The following IAPP variants were observed in gnomAD, a reference collection of about 807,000 sequenced individuals.
IAPP encodes the protein Islet amyloid polypeptide (diabetes-associated peptide; amylin).
IAPP carries 4 observed loss-of-function variants against 2.9 expected under a neutral mutation model. That is an observed-to-expected ratio of 1.39 (90% CI 0.69 to 3.19). IAPP has a LOEUF of 3.19. Among genes scored for constraint, IAPP ranks in the 30% most tolerant of loss-of-function variants. IAPP has a pLI of 0.01. For missense variants in IAPP, 114 were observed against 105.3 expected, an observed-to-expected ratio of 1.08 and a Z score of -0.36; for synonymous variants, 40 against 42.1, an observed-to-expected ratio of 0.95 and a Z score of 0.19.
chr12:21,362,370 T>G (rs371407071), intron 1 of IAPP, among the ~76,000 whole-genome samples: 9 of 152,104 alleles, frequency 5.9e-5, no homozygotes, highest in Non-Finnish European at 1.0e-4. Flanking sequence ...GTCACCACCA[T>G]GCCTGACTTA....
chr12:21,373,818 CT>C (rs1456486317), intron 2 of IAPP: 2 of 605,162 alleles, frequency 3.3e-6, no homozygotes, highest in East Asian at 2.8e-5. Flanking sequence ...CAAGTGGATT[CT>C]TTTTGTATAT....
intron 1 of IAPP, among the ~76,000 whole-genome samples, chr12:21,360,400 A>C (rs1938743927): frequency 6.6e-6 from 1 of 152,262 alleles, no homozygotes; most frequent in Non-Finnish European, 1.5e-5. Flanking sequence ...ATTTAAAGAA[A>C]GCTCCAATAA....
At chr12:21,357,893 T>C (rs766728098) in intron 1 of IAPP, among the ~76,000 whole-genome samples, 11 of 152,154 alleles carry the variant, frequency 7.2e-5, no homozygotes, top group Non-Finnish European at 1.3e-4. Context: ...TTTTAAAATA[T>C]AAACATGCAA....
intron 1 of IAPP, among the ~76,000 whole-genome samples, chr12:21,365,204 G>A (rs1408325139): frequency 6.6e-6 from 1 of 152,096 alleles, no homozygotes; most frequent in Non-Finnish European, 1.5e-5. Context: ...CAGAGATATA[G>A]ACCAATGGAA....
intron 1 of IAPP, among the ~76,000 whole-genome samples, chr12:21,366,035 C>T (rs1218939086): frequency 3.3e-5 from 5 of 152,168 alleles, no homozygotes; most frequent in African/African-American, 9.7e-5. Flanking sequence ...TTGACCCAGC[C>T]ATCCCATTAC....
chr12:21,360,772 C>T (rs1389056789), intron 1 of IAPP, among the ~76,000 whole-genome samples: 5 of 152,302 alleles, frequency 3.3e-5, no homozygotes, highest in South Asian at 2.1e-4. Context: ...CCCACACCCA[C>T]GGAGGCTCGC....
At chr12:21,360,247 C>T (rs1160966936) in intron 1 of IAPP, among the ~76,000 whole-genome samples, 1 of 152,170 alleles carries the variant, frequency 6.6e-6, no homozygotes, top group Non-Finnish European at 1.5e-5. Flanking sequence ...GTGATGGTTT[C>T]AGGAGTGTGT....
At chr12:21,368,186 C>T (rs1017113207), upstream of IAPP, among the ~76,000 whole-genome samples, 2 of 152,000 alleles carry the variant, frequency 1.3e-5, no homozygotes, top group African/African-American at 2.4e-5. Context: ...AACAGCATCA[C>T]GTGAGACATA....
At chr12:21,373,864 G>A in intron 2 of IAPP, 1 of 492,584 alleles carries the variant, frequency 2.0e-6, no homozygotes, top group Non-Finnish European at 3.6e-6. Context: ...AGATGTCTCT[G>A]GAAATGTTAA....
chr12:21,377,929 T>C (rs1457384176), intron 2 of IAPP, among the ~76,000 whole-genome samples: 1 of 152,198 alleles, frequency 6.6e-6, no homozygotes, highest in African/African-American at 2.4e-5. Context: ...TTCAAGATTT[T>C]TAAAAATGTA....
At chr12:21,375,430 T>C (rs1022343941) in intron 2 of IAPP, among the ~76,000 whole-genome samples, 2 of 152,200 alleles carry the variant, frequency 1.3e-5, no homozygotes, top group African/African-American at 4.8e-5. Context: ...TTTAAACTCT[T>C]TTTAAAAAAT....
Position 21,378,218 on chromosome 12 carries a change from A to G in IAPP, c.81-19A>G, listed in dbSNP as rs970215144. 3.1e-6 allele frequency: 5 copies of G among 1,612,726 alleles called. No homozygotes were observed. Among genetic ancestry groups the G allele is most frequent in the Non-Finnish European group, 4.2e-6 (5 of 1,178,816 alleles). On this transcript the variant is annotated intron_variant, in intron 2 of 2. Transcript: ENST00000240652. ...AAATTCTAAGGCTCTAACTTTTCAC[A>G]TTTGTTCCATGTTACCAGTCATCAG...
At chr12:21,357,602 C>T (rs772484737) in intron 1 of IAPP, among the ~76,000 whole-genome samples, 6 of 152,154 alleles carry the variant, frequency 3.9e-5, no homozygotes, top group Admixed American at 6.5e-5. Flanking sequence ...AAGGATTTAG[C>T]GTCCAATAGA....
upstream of IAPP, among the ~76,000 whole-genome samples, chr12:21,368,255 T>C (rs1467815074): frequency 6.6e-6 from 1 of 152,088 alleles, no homozygotes; most frequent in Non-Finnish European, 1.5e-5. Flanking sequence ...ACTACAAGTA[T>C]AGAGGAAATG....
chr12:21,367,845 T>C (rs1939504802), intron 1 of IAPP, among the ~76,000 whole-genome samples: 1 of 152,056 alleles, frequency 6.6e-6, no homozygotes, highest in Non-Finnish European at 1.5e-5. Flanking sequence ...ATATAAAGTA[T>C]ATTTCAAAAA....
chr12:21,371,751 C>G (rs1266056934), upstream of IAPP, among the ~76,000 whole-genome samples: 1 of 151,920 alleles, frequency 6.6e-6, no homozygotes, highest in African/African-American at 2.4e-5. Flanking sequence ...GCCTGTAATC[C>G]CAGCACTTTG....
intron 2 of IAPP, among the ~76,000 whole-genome samples, chr12:21,376,170 C>T (rs1051626619): frequency 1.2e-4 from 19 of 152,044 alleles, no homozygotes; most frequent in African/African-American, 4.6e-4. Context: ...ATATTATTGA[C>T]CTTCCAACCA....
chr12:21,358,802 C>CCTACCAA (rs1260077225), intron 1 of IAPP, among the ~76,000 whole-genome samples: 2 of 152,004 alleles, frequency 1.3e-5, no homozygotes, highest in Non-Finnish European at 2.9e-5. Flanking sequence ...AATTCTAATA[C>CCTACCAA]ATAAGTCTAA....
At chr12:21,358,237 A>G (rs1307164179) in intron 1 of IAPP, among the ~76,000 whole-genome samples, 1 of 152,236 alleles carries the variant, frequency 6.6e-6, no homozygotes, top group Non-Finnish European at 1.5e-5. Context: ...CAAAGAGATG[A>G]AAGTATGCTG....
Sources: gnomAD v4.1 joint callset for allele counts (sites outside exome capture counted in the v4.1 genomes callset) on GRCh38, gnomAD v4.1.1 for gene constraint, MANE v1.5 for transcripts, NCBI Gene and HGNC (gene_info 2026-07-23, HGNC 2026-07-21) for gene names.